MEIS3: variants seen among roughly 807,000 people sequenced by gnomAD.
The protein encoded by MEIS3 is Meis homeobox 3.
MEIS3 carries 38 observed loss-of-function variants against 51.4 expected under a neutral mutation model. The ratio of observed to expected loss-of-function variants is 0.74; its 90% CI spans 0.57 to 0.97. The LOEUF is 0.97. Ranked by LOEUF, MEIS3 falls within the 50% of genes least tolerant of loss-of-function variation. MEIS3 has a pLI of 0.00. For missense variants in MEIS3, 456 were observed against 502.6 expected, an observed-to-expected ratio of 0.91 and a Z score of 0.89; for synonymous variants, 198 against 201.8, an observed-to-expected ratio of 0.98 and a Z score of 0.16.
At chr19:47,411,788 C>A (rs1306773832) in intron 6 of MEIS3, among the ~76,000 whole-genome samples, 29 of 151,878 alleles carry the variant, frequency 1.9e-4, no homozygotes, top group Admixed American at 1.9e-3. Context: ...GATCCACCCC[C>A]CTCAGACTCA....
chr19:47,403,188 A>C lies in MEIS3; in HGVS notation c.*383T>G, dbSNP rs1034810098. ...ATTAGAGAAGGGAGGTAGGGGGGAC[A>C]GGAGAGTGAAGGAATCTCTCCAAAA... On this transcript the variant is annotated 3_prime_UTR_variant, in exon 13 of 13. Coordinates refer to ENST00000558555, the MANE Select transcript of MEIS3 (RefSeq NM_001301059.2). The C allele has an allele frequency of 3.7e-6, 1 of 272,634 alleles. No individual in the cohort carries two copies. Among genetic ancestry groups the C allele is most frequent in the African/African-American group, 2.4e-5 (1 of 42,526 alleles). 16.9% of individuals were successfully genotyped at this position (272,634 alleles called of 1,614,324 possible). A position where few individuals can be genotyped will look rare whatever the true frequency, so the allele number is the denominator to read the frequency against.
intron 9 of MEIS3, 87 bp from the exon 10 acceptor site, chr19:47,407,224 C>T: frequency 2.7e-6 from 4 of 1,498,566 alleles, no homozygotes; most frequent in East Asian, 4.8e-5. Context: ...CGGAGGACAG[C>T]GGCGGGGGAG....
At chr19:47,417,935 G>C in intron 1 of MEIS3, 1 of 562,200 alleles carries the variant, frequency 1.8e-6, no homozygotes, top group Non-Finnish European at 3.1e-6. Flanking sequence ...ACACACACAT[G>C]CACACACACA....
Position 47,414,657 on chromosome 19 carries a change from T to C in MEIS3, c.597+60A>G. 4.6e-6 allele frequency: 7 copies of C among 1,533,450 alleles called. No homozygotes were observed. In the South Asian group the frequency reaches 6.1e-5, roughly 13 times the overall value. 95.0% of individuals were successfully genotyped at this position (1,533,450 alleles called of 1,614,324 possible). A position where few individuals can be genotyped will look rare whatever the true frequency, so the allele number is the denominator to read the frequency against. ...GCTGTGTAGTGCACATGCGCCCTCA[T>C]GCGGTGTCCAGGCACAGCTGTGGCT... On this transcript the variant is annotated intron_variant, in intron 6 of 12. Transcript: ENST00000558555.
chr19:47,414,733 G>C lies in MEIS3; in HGVS notation c.581C>G (p.Pro194Arg). 6.2e-7 allele frequency: 1 copy of C among 1,606,500 alleles called. No homozygotes were observed. The highest frequency in any genetic ancestry group is 8.5e-7 in the Non-Finnish European group (1 of 1,177,104). The change falls in exon 6 of 13, where the codon CCC becomes CGC. Residue 194 changes from proline to arginine, a missense_variant. Transcript: ENST00000558555. ...EDFEDYPASC[P>R]SLPDQNNMWI... Reference sequence around the variant, plus strand: ...CGGGCCCACCTGGTCTGGGAGGCTGGGGCAGGAGGCTGGGTAGTCCTCGAA... The same window carrying C: ...CGGGCCCACCTGGTCTGGGAGGCTGCGGCAGGAGGCTGGGTAGTCCTCGAA...
chr19:47,407,229 G>GGGGAGGC, intron 9 of MEIS3, 92 bp from the exon 10 acceptor site: 3 of 1,497,328 alleles, frequency 2.0e-6, no homozygotes, highest in Middle Eastern at 1.7e-4. Context: ...GACAGCGGCG[G>GGGGAGGC]GGGAGGCAGA....
intron 6 of MEIS3, among the ~76,000 whole-genome samples, chr19:47,409,876 A>AC (rs199998883): frequency 0.014 from 2,060 of 151,350 alleles, 22 homozygotes; most frequent in Middle Eastern, 0.041. Flanking sequence ...AAAAAAAAAA[A>AC]AGTTAGTGCC....
chr19:47,415,126 G>T, intron 4 of MEIS3, 25 bp from the exon 5 acceptor site: 2 of 1,364,952 alleles, frequency 1.5e-6, no homozygotes, highest in Non-Finnish European at 2.0e-6. Flanking sequence ...GGGAGGTGGG[G>T]GGAGACAGAG....
At chr19:47,420,998 T>C (rs1971699360), upstream of MEIS3, among the ~76,000 whole-genome samples, 2 of 142,746 alleles carry the variant, frequency 1.4e-5, no homozygotes, top group Non-Finnish European at 3.0e-5. Flanking sequence ...CCTTAAATAG[T>C]CCTGGGACCC....
chr19:47,419,853 T>A (rs1568433162), upstream of MEIS3, among the ~76,000 whole-genome samples: 1 of 152,052 alleles, frequency 6.6e-6, no homozygotes, highest in Non-Finnish European at 1.5e-5. Flanking sequence ...CCGAGCCCCC[T>A]GGACACACCA....
At chr19:47,408,038 C>A (rs916284006) in intron 8 of MEIS3, among the ~76,000 whole-genome samples, 1 of 152,114 alleles carries the variant, frequency 6.6e-6, no homozygotes, top group Non-Finnish European at 1.5e-5. Context: ...ATCTCCTGAC[C>A]TCGTGATCCG....
intron 6 of MEIS3, among the ~76,000 whole-genome samples, chr19:47,411,141 T>C (rs1162355765): frequency 6.6e-6 from 1 of 152,076 alleles, no homozygotes; most frequent in African/African-American, 2.4e-5. Flanking sequence ...TTCACCACAT[T>C]GGCCAGGCTG....
intron 8 of MEIS3, 114 bp from the exon 9 acceptor site, chr19:47,407,542 G>T: frequency 6.3e-7 from 1 of 1,585,832 alleles, no homozygotes; most frequent in Non-Finnish European, 8.6e-7. Flanking sequence ...CAGACGTCTG[G>T]GAGAACCGGC....
chr19:47,416,962 G>A lies in MEIS3; in HGVS notation c.187C>T (p.His63Tyr). 1 of 1,578,090 alleles carries A rather than the reference G, an allele frequency of 6.3e-7. No homozygotes were observed. Among genetic ancestry groups the A allele is most frequent in the Non-Finnish European group, 8.6e-7 (1 of 1,161,758 alleles). ...AGGGCCAAGAGGGGGAAGAGCGGGT[G>A]TCTGGGGAGGCAGGAAAGGAGAGAG... ...LKREKDEIYGHPLFPLLALVF... is the reference protein window; with the variant it reads ...LKREKDEIYGYPLFPLLALVF... Residue 63 changes from histidine to tyrosine, a missense_variant and splice_region_variant, in exon 3 of 13, where the codon CAC (histidine) becomes TAC (tyrosine). Physicochemically the swap from His to Tyr is moderately conservative, Grantham distance 83. Transcript: ENST00000558555.
At chr19:47,419,999 G>A (rs945380654), upstream of MEIS3, among the ~76,000 whole-genome samples, 1 of 152,146 alleles carries the variant, frequency 6.6e-6, no homozygotes, top group Non-Finnish European at 1.5e-5. Flanking sequence ...GGGGTGGGCT[G>A]TGGATAACGG....
upstream of MEIS3, among the ~76,000 whole-genome samples, chr19:47,420,539 GAGAC>G (rs1971668169): frequency 6.7e-6 from 1 of 148,362 alleles, no homozygotes; most frequent in Non-Finnish European, 1.5e-5. Flanking sequence ...GAGAGAGACA[GAGAC>G]AGACGCGGGT....
Position 47,406,965 on chromosome 19 carries a change from C to T in MEIS3, c.1001G>A (p.Gly334Asp). Residue 334 changes from glycine (G) to aspartate (D), a missense_variant, in exon 11 of 13, where the codon GGT (glycine) becomes GAT (aspartate). Transcript: ENST00000558555. ...CTGGCCCTCTGGGCTGAAGGCTGCA[C>T]CCTGCCCTGCGAAGGGGGTTCAGAG... Reference protein sequence around the residue: ...MIDQSNRTGQGAAFSPEGQPI... With the variant: ...MIDQSNRTGQDAAFSPEGQPI... The T allele has an allele frequency of 3.2e-6, 5 of 1,576,412 alleles. No homozygotes were observed. The highest frequency in any genetic ancestry group is 4.3e-6 in the Non-Finnish European group (5 of 1,161,520).
chr19:47,409,318 C>T (rs1971007763), intron 7 of MEIS3, 71 bp from the exon 8 acceptor site: 4 of 1,583,408 alleles, frequency 2.5e-6, no homozygotes. Flanking sequence ...CAGAACTCTC[C>T]CCCAAGACAA....
At chr19:47,406,571 A>T (rs1970828856) in intron 11 of MEIS3, 45 bp from the exon 12 acceptor site, 1 of 1,584,322 alleles carries the variant, frequency 6.3e-7, no homozygotes, top group African/African-American at 1.3e-5. Context: ...TTTCAGAGAC[A>T]CCCCCAGATG....
Sources: allele counts gnomAD v4.1 joint callset (sites outside exome capture counted in the v4.1 genomes callset), GRCh38; gene constraint gnomAD v4.1.1; transcripts MANE v1.5; gene names NCBI Gene and HGNC (gene_info 2026-07-23, HGNC 2026-07-21).